The following WWOX variants were observed in gnomAD, a reference collection of about 807,000 sequenced individuals.
WWOX encodes WW domain-containing oxidoreductase.
WWOX carries 69 observed loss-of-function variants against 46.2 expected under a neutral mutation model. The ratio of observed to expected loss-of-function variants is 1.49; its 90% CI spans 1.23 to 1.82. The LOEUF is 1.82. Among genes scored for constraint, WWOX ranks in the 40% most tolerant of loss-of-function variants. The probability of loss-of-function intolerance (pLI) is 0.00; values close to 1 mark genes in which losing one functional copy is unlikely to be tolerated. For missense variants in WWOX, 919 were observed against 542.6 expected, an observed-to-expected ratio of 1.69 and a Z score of -6.89; for synonymous variants, 359 against 202.6, an observed-to-expected ratio of 1.77 and a Z score of -6.56.
chr16:78,362,293 G>C (rs1295557482), intron 5 of WWOX, among the ~76,000 whole-genome samples: 2 of 152,052 alleles, frequency 1.3e-5, no homozygotes, highest in East Asian at 3.9e-4. Flanking sequence ...GCAAGGTGAT[G>C]ATGGGTATGT....
At chr16:78,396,633 T>C (rs960924862) in intron 6 of WWOX, among the ~76,000 whole-genome samples, 3 of 152,196 alleles carry the variant, frequency 2.0e-5, no homozygotes, top group Admixed American at 2.0e-4. Context: ...GCAAATAATG[T>C]TAATTATTGT....
At chr16:78,603,943 A>G (rs115817705) in intron 8 of WWOX, among the ~76,000 whole-genome samples, 181 of 152,148 alleles carry the variant, frequency 1.2e-3, no homozygotes, top group African/African-American at 4.2e-3. Context: ...GGAGTTCAAG[A>G]TCAGCCTGGG....
intron 3 of WWOX, among the ~76,000 whole-genome samples, chr16:78,111,354 A>G (rs1425486057): frequency 6.6e-6 from 1 of 152,238 alleles, no homozygotes; most frequent in Non-Finnish European, 1.5e-5. Context: ...ATTAATCATT[A>G]GCTTTTAATA....
chr16:79,074,067 G>A (rs2048603441), intron 8 of WWOX, among the ~76,000 whole-genome samples: 1 of 152,012 alleles, frequency 6.6e-6, no homozygotes, highest in African/African-American at 2.4e-5. Flanking sequence ...TGCTACGAGT[G>A]TATACAGGCT....
chr16:78,756,023 C>T (rs973402555), intron 8 of WWOX, among the ~76,000 whole-genome samples: 3 of 152,218 alleles, frequency 2.0e-5, no homozygotes, highest in Non-Finnish European at 2.9e-5. Context: ...GGAGACAAGG[C>T]CTCATGTATG....
At chr16:78,154,044 C>T (rs371709999) in intron 4 of WWOX, among the ~76,000 whole-genome samples, 65 of 152,238 alleles carry the variant, frequency 4.3e-4, no homozygotes, top group Admixed American at 2.2e-3. Flanking sequence ...CTGCCTGCTC[C>T]GATGCTCTCC....
At chr16:78,752,812 G>T (rs2049519257) in intron 8 of WWOX, among the ~76,000 whole-genome samples, 1 of 152,116 alleles carries the variant, frequency 6.6e-6, no homozygotes, top group South Asian at 2.1e-4. Context: ...TTACTTAAAT[G>T]GCCTGGCGAG....
intron 8 of WWOX, among the ~76,000 whole-genome samples, chr16:78,452,021 A>T (rs1443282933): frequency 6.6e-6 from 1 of 152,212 alleles, no homozygotes; most frequent in Non-Finnish European, 1.5e-5. Context: ...TAGTGACTCT[A>T]ATACATTATA....
chr16:78,863,948 A>C (rs2043947730), intron 8 of WWOX, among the ~76,000 whole-genome samples: 1 of 152,200 alleles, frequency 6.6e-6, no homozygotes, highest in South Asian at 2.1e-4. Context: ...TGTGTGGCTG[A>C]ATATCATTGC....
At chr16:79,118,095 C>T (rs190412268) in intron 8 of WWOX, among the ~76,000 whole-genome samples, 40 of 152,352 alleles carry the variant, frequency 2.6e-4, no homozygotes, top group African/African-American at 9.6e-4. Flanking sequence ...TTCGACATGG[C>T]TTTCTCGTTA....
intron 8 of WWOX, among the ~76,000 whole-genome samples, chr16:79,088,437 T>TGG (rs1313921712): frequency 6.6e-6 from 1 of 152,200 alleles, no homozygotes; most frequent in Middle Eastern, 3.2e-3. Flanking sequence ...CCCTGAGCCG[T>TGG]GGGCAGCCTG....
intron 8 of WWOX, among the ~76,000 whole-genome samples, chr16:79,121,866 C>G (rs2049639352): frequency 6.6e-6 from 1 of 152,100 alleles, no homozygotes; most frequent in East Asian, 1.9e-4. Context: ...TTCTCAGCAT[C>G]AGAAAAGAGG....
At chr16:79,139,816 A>C (rs151023423) in intron 8 of WWOX, among the ~76,000 whole-genome samples, 1 of 152,344 alleles carries the variant, frequency 6.6e-6, no homozygotes, top group East Asian at 1.9e-4. Flanking sequence ...CACTTGCCCG[A>C]ATGACTTTAG....
At chr16:78,409,515 G>T (rs1324297502) in intron 6 of WWOX, among the ~76,000 whole-genome samples, 3 of 152,126 alleles carry the variant, frequency 2.0e-5, no homozygotes, top group African/African-American at 7.2e-5. Flanking sequence ...AATGCATGCA[G>T]TATTTGTCTG....
At chr16:78,683,916 G>A (rs552187073) in intron 8 of WWOX, among the ~76,000 whole-genome samples, 1 of 152,324 alleles carries the variant, frequency 6.6e-6, no homozygotes, top group South Asian at 2.1e-4. Context: ...TACTGTAAGA[G>A]ATAATGTTGG....
chr16:79,142,070 C>A (rs1329861810), intron 8 of WWOX, among the ~76,000 whole-genome samples: 1 of 152,166 alleles, frequency 6.6e-6, no homozygotes, highest in East Asian at 1.9e-4. Context: ...TCTTTTTCTC[C>A]TTCTTCTCCA....
chr16:78,832,393 A>C (rs545858191), intron 8 of WWOX, among the ~76,000 whole-genome samples: 1 of 152,172 alleles, frequency 6.6e-6, no homozygotes, highest in Non-Finnish European at 1.5e-5. Context: ...ACTGTCAAGC[A>C]CCGTAACTTT....
At chr16:78,394,857 C>T (rs1329046404) in intron 6 of WWOX, among the ~76,000 whole-genome samples, 3 of 152,176 alleles carry the variant, frequency 2.0e-5, no homozygotes, top group East Asian at 1.9e-4. Flanking sequence ...GTGTAAAGAA[C>T]GTGGGTGTTG....
chr16:78,539,490 G>C (rs141202141), intron 8 of WWOX, among the ~76,000 whole-genome samples: 1 of 152,308 alleles, frequency 6.6e-6, no homozygotes, highest in Non-Finnish European at 1.5e-5. Flanking sequence ...TCGATAAAAA[G>C]TGGAGAAAGA....
Sources: gnomAD v4.1 joint callset for allele counts (sites outside exome capture counted in the v4.1 genomes callset) on GRCh38, gnomAD v4.1.1 for gene constraint, MANE v1.5 for transcripts, NCBI Gene and HGNC (gene_info 2026-07-23, HGNC 2026-07-21) for gene names.